DSCAM: variants seen among roughly 807,000 people sequenced by gnomAD.
The protein encoded by DSCAM is DS cell adhesion molecule, also known as cell adhesion molecule DSCAM.
Under a neutral mutation model 217.7 loss-of-function variants are expected in DSCAM, and 47 were observed. The ratio of observed to expected loss-of-function variants is 0.22; its 90% CI spans 0.17 to 0.28. The LOEUF is 0.28. Ranked by LOEUF, DSCAM falls within the 10% of genes least tolerant of loss-of-function variation. The pLI is 1.00. For synonymous variants in DSCAM, 1,056 were observed against 1,015.3 expected, an observed-to-expected ratio of 1.04 and a Z score of -0.76; for missense variants, 2,080 against 2,618.3, an observed-to-expected ratio of 0.79 and a Z score of 4.49.
chr21:40,487,322 T>A (rs1318700415), intron 3 of DSCAM, among the ~76,000 whole-genome samples: 10 of 138,344 alleles, frequency 7.2e-5, no homozygotes, highest in African/African-American at 1.1e-4. Flanking sequence ...TGTGTGTGTG[T>A]GTGTGAGAGA....
At chr21:40,797,972 T>C (rs2123487390) in intron 1 of DSCAM, among the ~76,000 whole-genome samples, 1 of 152,200 alleles carries the variant, frequency 6.6e-6, no homozygotes, top group East Asian at 1.9e-4. Flanking sequence ...CTTCATTAGA[T>C]GCACATTACT....
At chr21:40,616,268 C>A (rs1247463443) in intron 3 of DSCAM, among the ~76,000 whole-genome samples, 1 of 152,134 alleles carries the variant, frequency 6.6e-6, no homozygotes, top group Non-Finnish European at 1.5e-5. Context: ...CCTAACTGAC[C>A]CTTGGCCAGC....
intron 11 of DSCAM, among the ~76,000 whole-genome samples, chr21:40,208,245 G>A (rs2146873039): frequency 6.6e-6 from 1 of 152,294 alleles, no homozygotes; most frequent in Non-Finnish European, 1.5e-5. Context: ...CTGAGGTCAA[G>A]AGTTTGAGAC....
At chr21:40,059,871 G>C (rs974701036) in intron 28 of DSCAM, among the ~76,000 whole-genome samples, 2 of 152,146 alleles carry the variant, frequency 1.3e-5, no homozygotes, top group African/African-American at 4.8e-5. Context: ...ACCAGGGGTA[G>C]CTGTTCAGTA....
chr21:40,521,081 T>C (rs936060793), intron 3 of DSCAM, among the ~76,000 whole-genome samples: 2 of 152,226 alleles, frequency 1.3e-5, no homozygotes, highest in African/African-American at 4.8e-5. Context: ...GAATCCCTAC[T>C]GTATGTAGAA....
intron 3 of DSCAM, among the ~76,000 whole-genome samples, chr21:40,444,335 T>C (rs558468230): frequency 2.0e-5 from 3 of 152,268 alleles, no homozygotes; most frequent in African/African-American, 7.2e-5. Flanking sequence ...GTTTTAAATG[T>C]TTTTGTGTGG....
chr21:40,545,834 C>G (rs150048142), intron 3 of DSCAM, among the ~76,000 whole-genome samples: 1 of 152,184 alleles, frequency 6.6e-6, no homozygotes, highest in Non-Finnish European at 1.5e-5. Context: ...TTGTGTGTAG[C>G]CCAGCCAGTC....
At chr21:40,766,154 G>C (rs763329087) in intron 1 of DSCAM, among the ~76,000 whole-genome samples, 3 of 152,076 alleles carry the variant, frequency 2.0e-5, no homozygotes, top group Non-Finnish European at 4.4e-5. Context: ...GTTGGGGGTG[G>C]GGGAAGAAAG....
At chr21:40,466,863 C>T (rs1436996366) in intron 3 of DSCAM, among the ~76,000 whole-genome samples, 1 of 152,186 alleles carries the variant, frequency 6.6e-6, no homozygotes, top group Non-Finnish European at 1.5e-5. Context: ...TGATTTTTGC[C>T]AGTTTCCAAA....
At chr21:40,765,555 C>A (rs2091379805) in intron 1 of DSCAM, among the ~76,000 whole-genome samples, 1 of 152,124 alleles carries the variant, frequency 6.6e-6, no homozygotes, top group Admixed American at 6.5e-5. Flanking sequence ...TCCTGAGAGA[C>A]ACATTCCAGG....
chr21:40,397,085 AC>A (rs1289037872), intron 3 of DSCAM, among the ~76,000 whole-genome samples: 1 of 151,984 alleles, frequency 6.6e-6, no homozygotes, highest in Non-Finnish European at 1.5e-5. Context: ...TCCTATAAAA[AC>A]CCCAATTTTA....
chr21:40,409,999 TTATA>T (rs1397794090), intron 3 of DSCAM, among the ~76,000 whole-genome samples: 2 of 151,994 alleles, frequency 1.3e-5, no homozygotes, highest in Non-Finnish European at 2.9e-5. Context: ...TAAAGCAAAA[TTATA>T]TATATGGAGA....
At chr21:40,150,520 G>C (rs148397085) in intron 16 of DSCAM, among the ~76,000 whole-genome samples, 119 of 152,298 alleles carry the variant, frequency 7.8e-4, no homozygotes, top group African/African-American at 2.4e-3. Context: ...TAAATGTAGG[G>C]ATTTTGTATA....
chr21:40,353,960 C>A (rs527290077), intron 4 of DSCAM, among the ~76,000 whole-genome samples: 203 of 152,314 alleles, frequency 1.3e-3, no homozygotes, highest in Non-Finnish European at 2.1e-3. Flanking sequence ...GTCAGAGCTT[C>A]TGTTGGTCAT....
Position 40,266,799 on chromosome 21 carries a change from T to C in DSCAM, c.2356+9298A>G, listed in dbSNP as rs865834257. Among the ~76,000 whole-genome samples the C allele has an allele frequency of 2.4e-4, 31 of 129,512 alleles. No homozygotes were observed. The South Asian group carries it at 3.3e-3, about 14-fold the overall frequency. 85.0% of individuals were successfully genotyped at this position (129,512 alleles called of 152,430 possible). ...ATGCATATATATATATATATATATA[T>C]ACACACACACACACCCCCACACACA... On this transcript the variant is annotated intron_variant, in intron 11 of 32. Coordinates refer to ENST00000400454, the MANE Select transcript of DSCAM (RefSeq NM_001389.5).
chr21:40,364,421 C>T (rs1379586399), intron 4 of DSCAM, among the ~76,000 whole-genome samples: 1 of 150,902 alleles, frequency 6.6e-6, no homozygotes, highest in Non-Finnish European at 1.5e-5. Flanking sequence ...AGCAAACTGT[C>T]GCAAGGACAA....
At chr21:40,014,226 A>C (rs574630971) in intron 32 of DSCAM, among the ~76,000 whole-genome samples, 15 of 152,204 alleles carry the variant, frequency 9.9e-5, no homozygotes, top group Middle Eastern at 3.4e-3. Flanking sequence ...CCCCCTCTCT[A>C]CTAAAAATAC....
chr21:40,829,903 C>A (rs529397437), intron 1 of DSCAM, among the ~76,000 whole-genome samples: 62 of 152,122 alleles, frequency 4.1e-4, no homozygotes, highest in Non-Finnish European at 8.2e-4. Flanking sequence ...ACAAACCAAC[C>A]CTGAGACTCC....
At chr21:40,533,339 GTTTC>G (rs1477305292) in intron 3 of DSCAM, among the ~76,000 whole-genome samples, 2 of 152,138 alleles carry the variant, frequency 1.3e-5, no homozygotes, top group Admixed American at 1.3e-4. Flanking sequence ...TGTGAAAATT[GTTTC>G]TTTCTCTGAT....
Sources: gnomAD v4.1 joint callset for allele counts (sites outside exome capture counted in the v4.1 genomes callset) on GRCh38, gnomAD v4.1.1 for gene constraint, MANE v1.5 for transcripts, NCBI Gene and HGNC (gene_info 2026-07-23, HGNC 2026-07-21) for gene names.